Variants in ATG3 observed in about 807,000 individuals in gnomAD.
The protein encoded by ATG3 is autophagy related 3, also known as ubiquitin-like-conjugating enzyme ATG3.
In ATG3, 25 loss-of-function variants were observed where a neutral mutation model predicts 50.7. The ratio of observed to expected loss-of-function variants is 0.49; its 90% confidence interval spans 0.36 to 0.69. The LOEUF is 0.69. ATG3 is among the 30% of genes least tolerant of loss of function. ATG3 has a pLI of 0.00. For missense variants in ATG3, 281 were observed against 376.0 expected, an observed-to-expected ratio of 0.75 and a Z score of 2.09; for synonymous variants, 119 against 125.5, an observed-to-expected ratio of 0.95 and a Z score of 0.34.
Position 112,550,121 on chromosome 3 carries a change from A to T in ATG3, c.235+71T>A, listed in dbSNP as rs992224140. The stretch of plus-strand genomic sequence containing the variant: ...ACTAAGGAAAAAATTTTCAAGCAAT[A>T]GAAAAACCGAGAGCTTCATTTTAAT... On this transcript the variant is annotated intron_variant, in intron 4 of 11. Transcript: ENST00000283290. The T allele has an allele frequency of 4.3e-6, 5 of 1,150,114 alleles. No individual in the cohort carries two copies. In the African/African-American group the frequency reaches 7.9e-5, roughly 18 times the overall value. 71.2% of individuals were successfully genotyped at this position (1,150,114 alleles called of 1,614,324 possible). A position where few individuals can be genotyped will look rare whatever the true frequency, so the allele number is the denominator to read the frequency against.
chr3:112,536,104 T>G (rs558811007), intron 10 of ATG3: 1 of 211,270 alleles, frequency 4.7e-6, no homozygotes, highest in African/African-American at 2.4e-5. Flanking sequence ...ACAGTCTACA[T>G]TCACAGAAAG....
chr3:112,542,189 A>G (rs1933250959), intron 6 of ATG3, among the ~76,000 whole-genome samples: 1 of 152,190 alleles, frequency 6.6e-6, no homozygotes, highest in Non-Finnish European at 1.5e-5. Flanking sequence ...TAATCAATTC[A>G]TTAGTATTAG....
intron 3 of ATG3, among the ~76,000 whole-genome samples, chr3:112,551,887 C>A (rs932014792): frequency 6.6e-6 from 1 of 151,588 alleles, no homozygotes; most frequent in African/African-American, 2.4e-5. Context: ...AAATATGGAA[C>A]AAAAAACACA....
chr3:112,532,657 A>G lies in ATG3; in HGVS notation c.*42T>C, dbSNP rs756826471. On this transcript the variant is annotated 3_prime_UTR_variant, in exon 12 of 12. Transcript: ENST00000283290. ...TCACATCTATGGGTTAATTCTTTAA[A>G]AATCAGAACCAATAATTAGGATAGA... 6.9e-7 allele frequency: 1 copy of G among 1,452,744 alleles called. No individual in the cohort carries two copies. Among genetic ancestry groups the G allele is most frequent in the Non-Finnish European group, 9.3e-7 (1 of 1,075,362 alleles). 90.0% of individuals were successfully genotyped at this position (1,452,744 alleles called of 1,614,324 possible). A position where few individuals can be genotyped will look rare whatever the true frequency, so the allele number is the denominator to read the frequency against.
chr3:112,534,403 T>C, intron 10 of ATG3, 66 bp from the exon 11 acceptor site: 1 of 1,352,820 alleles, frequency 7.4e-7, no homozygotes, highest in Non-Finnish European at 9.9e-7. Context: ...AAAAACATAT[T>C]TTCATTTGTA....
chr3:112,533,082 A>T (rs1559840708), intron 11 of ATG3: 2 of 1,019,596 alleles, frequency 2.0e-6, no homozygotes, highest in Non-Finnish European at 2.3e-6. Context: ...TGAGTACAAA[A>T]TGTACTCATT....
intron 1 of ATG3, 91 bp from the exon 2 acceptor site, chr3:112,558,508 T>C (rs1324382562): frequency 1.0e-6 from 1 of 1,002,666 alleles, no homozygotes; most frequent in East Asian, 2.4e-5. Flanking sequence ...GGTGCCCTTC[T>C]AGGCAATAGA....
chr3:112,555,499 G>T (rs1391127249), intron 2 of ATG3, among the ~76,000 whole-genome samples: 1 of 152,138 alleles, frequency 6.6e-6, no homozygotes, highest in Non-Finnish European at 1.5e-5. Flanking sequence ...ACTTAAACAA[G>T]TCATACATAC....
intron 4 of ATG3, 140 bp downstream of exon 4, chr3:112,550,052 C>T (rs778669050): frequency 1.7e-4 from 97 of 573,340 alleles, no homozygotes; most frequent in Middle Eastern, 9.1e-4. Context: ...ATCTTGACAA[C>T]TATATGTTTT....
At chr3:112,533,847 TC>T in intron 11 of ATG3, 1 of 990,430 alleles carries the variant, frequency 1.0e-6, no homozygotes, top group Non-Finnish European at 1.2e-6. Flanking sequence ...CTAAAGCACT[TC>T]ACGTAGTACA....
At chr3:112,543,637 T>C (rs1017902488) in intron 6 of ATG3, among the ~76,000 whole-genome samples, 4 of 152,202 alleles carry the variant, frequency 2.6e-5, no homozygotes, top group Non-Finnish European at 5.9e-5. Context: ...TAAATGTTAA[T>C]ATATCATTAG....
rs778149728 is a variant in ATG3 at position 112,534,386 on chromosome 3, A to G, written c.795-49T>C. 1.6e-5 allele frequency: 22 copies of G among 1,415,498 alleles called. No homozygotes were observed. The East Asian group carries it at 4.8e-4, about 31-fold the overall frequency. The allele number at this position is 1,415,498 out of a possible 1,614,324, so 87.7% of individuals were successfully genotyped here. On this transcript the variant is annotated intron_variant, in intron 10 of 11. Transcript: ENST00000283290. ...TTGTTAATGTAGATCGATTAGACCGAAAGAAGAAAAACATATTTTCATTTG... is the reference window on the plus strand; with the variant it reads ...TTGTTAATGTAGATCGATTAGACCGGAAGAAGAAAAACATATTTTCATTTG...
chr3:112,539,708 T>G (rs1357712796), intron 7 of ATG3, among the ~76,000 whole-genome samples: 2 of 152,214 alleles, frequency 1.3e-5, no homozygotes, highest in Non-Finnish European at 2.9e-5. Flanking sequence ...TGATAAATAC[T>G]GTACTGCCCA....
chr3:112,561,496 C>CT lies in ATG3; in HGVS notation c.32dup (p.Ala12GlyfsTer6). ...TCAGGTACTCAGCCACTTCCAGTGC[C>CT]TTTCCCTTCACAGTATTAATCACAT... On this transcript the variant is annotated frameshift_variant, in exon 1 of 12. Transcript: ENST00000283290. LOFTEE classifies it high-confidence loss of function. The CT allele has an allele frequency of 6.2e-7, 1 of 1,612,130 alleles. No homozygotes were observed. Among genetic ancestry groups the CT allele is most frequent in the Non-Finnish European group, 8.5e-7 (1 of 1,179,336 alleles).
chr3:112,537,511 A>T (rs1933102950), intron 9 of ATG3: 1 of 355,992 alleles, frequency 2.8e-6, no homozygotes, highest in South Asian at 1.1e-4. Context: ...GGAATATGTA[A>T]TAGATTATTT....
intron 7 of ATG3, 72 bp downstream of exon 7, chr3:112,541,731 T>A: frequency 7.6e-7 from 1 of 1,320,382 alleles, no homozygotes; most frequent in Non-Finnish European, 1.1e-6. Flanking sequence ...GAAGAATTCT[T>A]AATCCACATA....
intron 1 of ATG3, among the ~76,000 whole-genome samples, chr3:112,560,122 T>A (rs539914252): frequency 4.5e-4 from 69 of 152,318 alleles, no homozygotes; most frequent in African/African-American, 1.7e-3. Flanking sequence ...TAATTCTACA[T>A]CATACATTTT....
intron 7 of ATG3, among the ~76,000 whole-genome samples, chr3:112,540,311 T>C (rs2638017): frequency 0.23 from 34,345 of 152,138 alleles, 7,109 homozygotes; most frequent in African/African-American, 0.54. Flanking sequence ...CTTGCCATTA[T>C]GGTGTTTCAA....
At chr3:112,561,151 A>G (rs1267048539) in intron 1 of ATG3, among the ~76,000 whole-genome samples, 1 of 152,208 alleles carries the variant, frequency 6.6e-6, no homozygotes, top group Admixed American at 6.5e-5. Flanking sequence ...GTTTGGATTT[A>G]ACGTTCTTCA....
Sources: allele counts gnomAD v4.1 joint callset (sites outside exome capture counted in the v4.1 genomes callset), GRCh38; gene constraint gnomAD v4.1.1; transcripts MANE v1.5; gene names NCBI Gene and HGNC (gene_info 2026-07-23, HGNC 2026-07-21).